PDK2: variants seen among roughly 807,000 people sequenced by gnomAD.
PDK2 encodes pyruvate dehydrogenase kinase 2.
PDK2 carries 34 observed loss-of-function variants against 50.4 expected under a neutral mutation model. The ratio of observed to expected loss-of-function variants is 0.68; its 90% CI spans 0.51 to 0.90. The LOEUF is 0.90. PDK2 is among the 40% of genes least tolerant of loss of function. The probability of loss-of-function intolerance (pLI) is 0.00; values close to 1 mark genes in which losing one functional copy is unlikely to be tolerated. For missense variants in PDK2, 377 were observed against 544.5 expected, an observed-to-expected ratio of 0.69 and a Z score of 3.06; for synonymous variants, 232 against 216.0, an observed-to-expected ratio of 1.07 and a Z score of -0.65.
intron 3 of PDK2, 48 bp downstream of exon 3, chr17:50,105,490 G>T: frequency 6.6e-7 from 1 of 1,524,916 alleles, no homozygotes. Flanking sequence ...TTGGCCAGGG[G>T]CATCTGGGGT....
intron 2 of PDK2, among the ~76,000 whole-genome samples, chr17:50,103,243 C>T (rs1394549196): frequency 6.6e-6 from 1 of 152,146 alleles, no homozygotes; most frequent in South Asian, 2.1e-4. Context: ...ACAGCTCCTC[C>T]TATCGGGCTC....
At chr17:50,107,614 A>C (rs1435784425) in intron 6 of PDK2, among the ~76,000 whole-genome samples, 1 of 152,222 alleles carries the variant, frequency 6.6e-6, no homozygotes, top group African/African-American at 2.4e-5. Flanking sequence ...TGAATGAATG[A>C]AAGAGTAAGC....
rs1427820517 is a variant in PDK2, at chr17:50,110,950, GC to G, written c.*858del. The G allele has an allele frequency of 6.6e-6, 1 of 152,200 alleles. No individual in the cohort carries two copies. Among genetic ancestry groups the G allele is most frequent in the Non-Finnish European group, 1.5e-5 (1 of 68,058 alleles). The allele number at this position is 152,200 out of a possible 1,614,324, so 9.4% of individuals were successfully genotyped here. A position where few individuals can be genotyped will look rare whatever the true frequency, so the allele number is the denominator to read the frequency against. ...TATAGTTAGTTTTATAACCCTGAAT[GC>G]CCCCACCCTTCCCCTAAGCACACAG... is the stretch of plus-strand genomic sequence containing the variant. On this transcript the variant is annotated 3_prime_UTR_variant, in exon 11 of 11. Coordinates refer to ENST00000503176, the MANE Select transcript of PDK2 (RefSeq NM_002611.5).
chr17:50,095,474 G>C lies in PDK2; in HGVS notation c.39G>C (p.Leu13=), dbSNP rs1567710197. Residue 13 remains leucine, a synonymous_variant, in exon 1 of 11, where the codon CTG becomes CTC. Transcript: ENST00000503176. ...WVWALLKNAS[L]AGAPKYIEHF... ...GGGCGCTGCTGAAGAATGCGTCCCT[G>C]GCAGGGGCGCCCAAGTACATAGAGC... is the stretch of plus-strand genomic sequence containing the variant. The C allele has an allele frequency of 1.2e-6, 2 of 1,605,534 alleles. No homozygotes were observed. The highest frequency in any genetic ancestry group is 1.7e-5 in the Admixed American group (1 of 58,636).
At position 50,110,412 on chromosome 17, in the gene PDK2, T is replaced by C. The variant is rs1386322525; in HGVS notation, c.*315T>C. 4.4e-6 allele frequency: 1 copy of C among 228,082 alleles called. No homozygotes were observed. Among genetic ancestry groups the C allele is most frequent in the African/African-American group, 2.2e-5 (1 of 44,554 alleles). The allele number at this position is 228,082 out of a possible 1,614,324, so 14.1% of individuals were successfully genotyped here. ...CTCTCTGAGACCAGGGCTGTCACTT[T>C]TCTGCCAGGGGTACTGGGTCCCCCT... On this transcript the variant is annotated 3_prime_UTR_variant, in exon 11 of 11. Transcript: ENST00000503176.
chr17:50,105,093 C>T (rs1910436614), intron 2 of PDK2, among the ~76,000 whole-genome samples: 1 of 152,234 alleles, frequency 6.6e-6, no homozygotes, highest in Non-Finnish European at 1.5e-5. Flanking sequence ...ATGGGATCAT[C>T]TCCAAGCCCC....
At chr17:50,106,090 C>T (rs767190458) in intron 4 of PDK2, 21 bp downstream of exon 4, 60 of 1,576,770 alleles carry the variant, frequency 3.8e-5, no homozygotes, top group African/African-American at 2.7e-4. Flanking sequence ...GCCACAGCGG[C>T]GGGGAGCGGG....
At chr17:50,105,471 A>T in intron 3 of PDK2, 29 bp downstream of exon 3, 2 of 1,602,348 alleles carry the variant, frequency 1.2e-6, no homozygotes, top group Non-Finnish European at 1.7e-6. Context: ...TGGGGCAGGA[A>T]GGCAGGTGTT....
intron 2 of PDK2, among the ~76,000 whole-genome samples, chr17:50,099,286 C>T (rs748201423): frequency 2.5e-4 from 38 of 152,106 alleles, no homozygotes; most frequent in Non-Finnish European, 4.6e-4. Flanking sequence ...CCCTGGACAC[C>T]GTGTTCCTGG....
chr17:50,095,079 G>A (rs2144337743), upstream of PDK2, among the ~76,000 whole-genome samples: 1 of 152,402 alleles, frequency 6.6e-6, no homozygotes, highest in Middle Eastern at 3.4e-3. Context: ...CGGGGCTCTG[G>A]GAAGGAAGGG....
chr17:50,107,871 C>T (rs572396084), intron 6 of PDK2: 1 of 455,844 alleles, frequency 2.2e-6, no homozygotes, highest in African/African-American at 2.0e-5. Flanking sequence ...GGAGGTTTCC[C>T]TCTCGCCAGC....
At chr17:50,096,961 G>A (rs962681154) in intron 1 of PDK2, among the ~76,000 whole-genome samples, 13 of 152,340 alleles carry the variant, frequency 8.5e-5, no homozygotes, top group South Asian at 6.2e-4. Context: ...GCCAGGCTGG[G>A]TGAGGTGGGC....
At chr17:50,100,135 T>C (rs1258101510) in intron 2 of PDK2, among the ~76,000 whole-genome samples, 1 of 152,192 alleles carries the variant, frequency 6.6e-6, no homozygotes, top group Admixed American at 6.5e-5. Flanking sequence ...AAGCAAACCC[T>C]CCTTTCTGGA....
chr17:50,111,633 T>C lies in PDK2; in HGVS notation c.*1536T>C, dbSNP rs1910855069. ...CCATCTGCCGCTCTGTCTGGGCAGATGGGAGGAGCTGGAGGGGTTTCCAAG... is the reference window on the plus strand; with the variant it reads ...CCATCTGCCGCTCTGTCTGGGCAGACGGGAGGAGCTGGAGGGGTTTCCAAG... On this transcript the variant is annotated 3_prime_UTR_variant, in exon 11 of 11. Coordinates refer to ENST00000503176, the MANE Select transcript of PDK2 (RefSeq NM_002611.5). The C allele has an allele frequency of 6.6e-6, 1 of 152,324 alleles. No homozygotes were observed. The highest frequency in any genetic ancestry group is 6.5e-5 in the Admixed American group (1 of 15,290). The allele number at this position is 152,324 out of a possible 1,614,324, so 9.4% of individuals were successfully genotyped here.
Position 50,108,858 on chromosome 17 carries a change from T to A in PDK2, c.969+139T>A, listed in dbSNP as rs917091620. ...TGTCTTGAATCTGGGCCCCCGCACC[T>A]CCCACATCTCCCCAGTCTGCACAGA... On this transcript the variant is annotated intron_variant, in intron 9 of 10. Coordinates refer to ENST00000503176, the MANE Select transcript of PDK2 (RefSeq NM_002611.5). The A allele has an allele frequency of 6.1e-5, 38 of 626,734 alleles. No homozygotes were observed. In the African/African-American group the frequency reaches 6.6e-4, roughly 11 times the overall value. 38.8% of individuals were successfully genotyped at this position (626,734 alleles called of 1,614,324 possible).
intron 2 of PDK2, chr17:50,098,831 A>T (rs1019348100): frequency 2.0e-5 from 3 of 152,394 alleles, no homozygotes; most frequent in African/African-American, 7.2e-5. Flanking sequence ...GTTGCTATGG[A>T]CATGCAGAGG....
chr17:50,100,390 A>T (rs993547089), intron 2 of PDK2, among the ~76,000 whole-genome samples: 3 of 152,162 alleles, frequency 2.0e-5, no homozygotes, highest in East Asian at 3.9e-4. Flanking sequence ...TGTGACTTTG[A>T]AGCTTCATCC....
intron 2 of PDK2, chr17:50,097,778 C>T: frequency 5.7e-6 from 3 of 527,204 alleles, no homozygotes; most frequent in Non-Finnish European, 1.0e-5. Context: ...GTGTCTAGCC[C>T]TCTTCTTACC....
At chr17:50,102,995 C>T (rs555808284) in intron 2 of PDK2, among the ~76,000 whole-genome samples, 2 of 152,344 alleles carry the variant, frequency 1.3e-5, no homozygotes, top group African/African-American at 2.4e-5. Context: ...GTGCTGGTCT[C>T]GTTGTCTGCA....
Sources: allele counts gnomAD v4.1 joint callset (sites outside exome capture counted in the v4.1 genomes callset), GRCh38; gene constraint gnomAD v4.1.1; transcripts MANE v1.5; gene names NCBI Gene and HGNC (gene_info 2026-07-23, HGNC 2026-07-21).